The following SLC25A48 variants were observed in gnomAD, a reference collection of about 807,000 sequenced individuals.
SLC25A48 encodes CTC-321K16.1.
In SLC25A48, 29 loss-of-function variants were observed where a neutral mutation model predicts 32.2. The ratio of observed to expected loss-of-function variants is 0.90; its 90% CI spans 0.67 to 1.23. SLC25A48 has a LOEUF of 1.23. Among genes scored for constraint, SLC25A48 ranks in the 50% most tolerant of loss-of-function variants. The pLI, the probability that SLC25A48 is intolerant of heterozygous loss-of-function variation, is 0.00. For missense variants in SLC25A48, 399 were observed against 422.7 expected (o/e 0.94, Z 0.49); for synonymous variants, 164 against 172.3 (o/e 0.95, Z 0.38).
At position 135,781,443 on chromosome 5, in the gene SLC25A48, G is replaced by GTGA. The variant is rs1330240051; in HGVS notation, c.-520-31078_-520-31076dup. ...ATCACAAGAGGTGCACAACCCTTTT[G>GTGA]TGATATTGTTTGTAATATCCAGGAA... On this transcript the variant is annotated intron_variant, in intron 3 of 10. Coordinates refer to the SLC25A48 transcript ENST00000646290. Among the ~76,000 whole-genome samples, 11 of 116,934 alleles carry GTGA rather than the reference G, an allele frequency of 9.4e-5. 2 individuals carry two copies. The highest frequency in any genetic ancestry group is 2.3e-4 in the African/African-American group (9 of 38,566). The allele number at this position is 116,934 out of a possible 152,430, so 76.7% of individuals were successfully genotyped here.
chr5:135,608,947 T>C (rs1210736257), intron 1 of SLC25A48, among the ~76,000 whole-genome samples: 1 of 152,228 alleles, frequency 6.6e-6, no homozygotes, highest in African/African-American at 2.4e-5. Flanking sequence ...GTCTTGGCCC[T>C]TTATCTATGG....
chr5:135,731,624 G>A (rs1158319208), intron 3 of SLC25A48, among the ~76,000 whole-genome samples: 1 of 152,148 alleles, frequency 6.6e-6, no homozygotes, highest in Non-Finnish European at 1.5e-5. Context: ...AGAATGATTG[G>A]TGATGGCCTG....
chr5:135,801,664 A>G (rs1486743719), intron 3 of SLC25A48, among the ~76,000 whole-genome samples: 1 of 151,436 alleles, frequency 6.6e-6, no homozygotes, highest in Non-Finnish European at 1.5e-5. Context: ...TCAATATCAC[A>G]GTGGGAATAC....
At chr5:135,853,063 G>A (rs1327028322) in intron 4 of SLC25A48, among the ~76,000 whole-genome samples, 2 of 152,152 alleles carry the variant, frequency 1.3e-5, no homozygotes, top group Non-Finnish European at 1.5e-5. Flanking sequence ...TTAAAGTTAT[G>A]TTTAGACTAT....
chr5:135,598,020 CAA>C (rs1187385460), intron 1 of SLC25A48, among the ~76,000 whole-genome samples: 1 of 68,518 alleles, frequency 1.5e-5, no homozygotes, highest in African/African-American at 5.1e-5. Context: ...AAAATCAAAC[CAA>C]AAAACAAACA....
chr5:135,688,112 A>C (rs1391714436), intron 3 of SLC25A48, among the ~76,000 whole-genome samples: 2 of 120,650 alleles, frequency 1.7e-5, no homozygotes, highest in Non-Finnish European at 3.7e-5. Flanking sequence ...ACCTCACACA[A>C]GTGCAATCAT....
chr5:135,685,915 A>C (rs1178721068), intron 3 of SLC25A48, among the ~76,000 whole-genome samples: 1 of 152,152 alleles, frequency 6.6e-6, no homozygotes, highest in African/African-American at 2.4e-5. Flanking sequence ...TTTGACCTGG[A>C]GTTCCTGTTC....
chr5:135,878,362 A>C (rs1762204392), intron 6 of SLC25A48, among the ~76,000 whole-genome samples: 1 of 152,160 alleles, frequency 6.6e-6, no homozygotes, highest in South Asian at 2.1e-4. Flanking sequence ...TTCCTCTCAG[A>C]GTTTGACCCA....
At chr5:135,794,218 G>A (rs1757107792) in intron 3 of SLC25A48, among the ~76,000 whole-genome samples, 1 of 151,604 alleles carries the variant, frequency 6.6e-6, no homozygotes, top group African/African-American at 2.4e-5. Flanking sequence ...CACCCCTTCT[G>A]TGATATTGTT....
intron 3 of SLC25A48, among the ~76,000 whole-genome samples, chr5:135,720,611 G>A (rs897785885): frequency 4.6e-5 from 7 of 152,186 alleles, no homozygotes; most frequent in African/African-American, 1.7e-4. Flanking sequence ...TGATGCTGTG[G>A]CTCCCGATAT....
At chr5:135,824,310 T>C (rs1352559129) in intron 4 of SLC25A48, 1 of 152,352 alleles carries the variant, frequency 6.6e-6, no homozygotes, top group African/African-American at 2.4e-5. Flanking sequence ...GTAAGACCCC[T>C]CTGGACTCCA....
chr5:135,856,847 C>T (rs1004771395), intron 4 of SLC25A48, among the ~76,000 whole-genome samples: 1 of 152,228 alleles, frequency 6.6e-6, no homozygotes, highest in South Asian at 2.1e-4. Flanking sequence ...CATCCAGGCC[C>T]CTGTGCTGGC....
chr5:135,764,174 A>C (rs1310415631), intron 3 of SLC25A48, among the ~76,000 whole-genome samples: 1 of 152,010 alleles, frequency 6.6e-6, no homozygotes, highest in Non-Finnish European at 1.5e-5. Flanking sequence ...TCCATATGGC[A>C]GGGGGTGTAC....
intron 1 of SLC25A48, among the ~76,000 whole-genome samples, chr5:135,590,780 A>G (rs944693233): frequency 6.6e-6 from 1 of 152,186 alleles, no homozygotes; most frequent in Non-Finnish European, 1.5e-5. Context: ...GAGACCTGAG[A>G]TCCAGACACG....
intron 1 of SLC25A48, among the ~76,000 whole-genome samples, chr5:135,628,668 T>G (rs1366824928): frequency 6.6e-6 from 1 of 152,128 alleles, no homozygotes; most frequent in Non-Finnish European, 1.5e-5. Context: ...TCTCTGAGCA[T>G]GAGGAGACCT....
intron 3 of SLC25A48, among the ~76,000 whole-genome samples, chr5:135,723,413 C>CACACACACACACACACACAA (rs1318431104): frequency 2.0e-5 from 3 of 146,480 alleles, no homozygotes; most frequent in Non-Finnish European, 3.0e-5. Context: ...CACACACACA[C>CACACACACACACACACACAA]AATGGGGAGG....
intron 1 of SLC25A48, among the ~76,000 whole-genome samples, chr5:135,600,193 A>C (rs1007581637): frequency 1.7e-4 from 26 of 152,158 alleles, no homozygotes; most frequent in African/African-American, 6.3e-4. Flanking sequence ...AGGCGCTTCT[A>C]AGGGCCTTCA....
At chr5:135,591,551 C>T (rs1266820571) in intron 1 of SLC25A48, among the ~76,000 whole-genome samples, 1 of 152,220 alleles carries the variant, frequency 6.6e-6, no homozygotes, top group African/African-American at 2.4e-5. Context: ...CTGGAGTGTT[C>T]CATGTATCCT....
intron 1 of SLC25A48, among the ~76,000 whole-genome samples, chr5:135,588,109 A>G (rs1459859601): frequency 6.6e-6 from 1 of 152,246 alleles, no homozygotes; most frequent in Non-Finnish European, 1.5e-5. Flanking sequence ...CCAGTGTCCA[A>G]GGAAGAAGGC....
Sources: gnomAD v4.1 joint callset for allele counts (sites outside exome capture counted in the v4.1 genomes callset) on GRCh38, gnomAD v4.1.1 for gene constraint, MANE v1.5 for transcripts, NCBI Gene and HGNC (gene_info 2026-07-23, HGNC 2026-07-21) for gene names.